UGT1A10: variants seen among roughly 807,000 people sequenced by gnomAD.
UGT1A10 encodes UDP glucuronosyltransferase family 1 member A10.
A neutral mutation model predicts 45.8 loss-of-function variants in UGT1A10; 49 were observed. The observed-to-expected ratio is 1.07, with a 90% confidence interval of 0.85 to 1.36. The LOEUF (loss-of-function observed/expected upper bound fraction) is 1.36. Among genes scored for constraint, UGT1A10 ranks in the 40% most tolerant of loss-of-function variants. The pLI is 0.00. For missense variants in UGT1A10, 745 were observed against 668.6 expected (o/e 1.11, Z -1.26); for synonymous variants, 284 against 249.7 (o/e 1.14, Z -1.29).
At chr2:233,707,056 A>AC (rs1214860717) in intron 1 of UGT1A10, among the ~76,000 whole-genome samples, 2 of 152,112 alleles carry the variant, frequency 1.3e-5, no homozygotes, top group Non-Finnish European at 2.9e-5. Flanking sequence ...GCTCAGGTGG[A>AC]CAGAGTCCCA....
chr2:233,686,409 G>A (rs2074787564), intron 1 of UGT1A10, among the ~76,000 whole-genome samples: 1 of 152,094 alleles, frequency 6.6e-6, no homozygotes, highest in South Asian at 2.1e-4. Context: ...TTATTAAGGT[G>A]TGCAGATAAA....
chr2:233,761,189 T>C (rs763009411), intron 1 of UGT1A10: 1 of 1,614,202 alleles, frequency 6.2e-7, no homozygotes, highest in South Asian at 1.1e-5. Context: ...GCGTATATTC[T>C]TTCAGATGTA....
intron 1 of UGT1A10, among the ~76,000 whole-genome samples, chr2:233,758,056 A>C (rs1696785048): frequency 6.6e-6 from 1 of 152,062 alleles, no homozygotes; most frequent in Non-Finnish European, 1.5e-5. Context: ...GACCATTTCT[A>C]ACTTGACTTT....
Position 233,739,198 on chromosome 2 carries a change from G to A in UGT1A10, c.856-27836G>A, listed in dbSNP as rs555664061. On this transcript the variant is annotated intron_variant, in intron 1 of 4. Coordinates refer to ENST00000344644, the MANE Select transcript of UGT1A10 (RefSeq NM_019075.4). ...GAAATGCTTGGATGTCCAGGCAGAC[G>A]TTTGCTGCATGGATAGAGTCCTTAT... 7.2e-5 allele frequency: 11 copies of A among 152,362 alleles called. No individual in the cohort carries two copies. The East Asian group carries it at 9.6e-4, about 13-fold the overall frequency. 9.4% of individuals were successfully genotyped at this position (152,362 alleles called of 1,614,324 possible).
In UGT1A10 at chr2:233,637,065, A is replaced by C; in HGVS notation, c.543A>C (p.Ala181=). The change falls in exon 1 of 5, where the codon GCA becomes GCC. Residue 181 remains alanine, a synonymous_variant. Transcript: ENST00000344644. ...TTTGCCACCATCTTGAAGAAGGTGCACAGTGCCCTGCTCCTCTTTCCTATG... is the reference window on the plus strand; with the variant it reads ...TTTGCCACCATCTTGAAGAAGGTGCCCAGTGCCCTGCTCCTCTTTCCTATG... ...GIFCHHLEEG[A]QCPAPLSYVP... 6.2e-7 allele frequency: 1 copy of C among 1,613,970 alleles called. No individual in the cohort carries two copies. The highest frequency in any genetic ancestry group is 1.7e-4 in the Middle Eastern group (1 of 6,056).
At chr2:233,724,824 G>A (rs1386605275) in intron 1 of UGT1A10, among the ~76,000 whole-genome samples, 24 of 135,740 alleles carry the variant, frequency 1.8e-4, no homozygotes, top group African/African-American at 7.1e-4. Context: ...TGCAATCTCG[G>A]CACTTTGGGA....
chr2:233,769,618 G>A lies in UGT1A10; in HGVS notation c.1295+1179G>A. ...GGAACACGGGGACACACCAGCTTGA[G>A]CAAGGGACAACAGGGGAGGACTGAT... On this transcript the variant is annotated intron_variant, in intron 4 of 4. Coordinates refer to ENST00000344644, the MANE Select transcript of UGT1A10 (RefSeq NM_019075.4). This position sits in a 1 kb window ranked among gnomAD's most constrained non-coding sequence, Gnocchi z 4.4. The A allele has an allele frequency of 1.9e-6, 3 of 1,612,672 alleles. No individual in the cohort carries two copies. Among genetic ancestry groups the A allele is most frequent in the Non-Finnish European group, 2.5e-6 (3 of 1,179,802 alleles).
intron 1 of UGT1A10, among the ~76,000 whole-genome samples, chr2:233,643,165 G>T (rs185632739): frequency 1.3e-5 from 2 of 152,304 alleles, no homozygotes; most frequent in South Asian, 2.1e-4. Context: ...GCCCTGGGTG[G>T]GTCCAGAAGT....
chr2:233,653,554 C>T lies in UGT1A10; in HGVS notation c.855+16177C>T, dbSNP rs138070848. On this transcript the variant is annotated intron_variant, in intron 1 of 4. Coordinates refer to ENST00000344644, the MANE Select transcript of UGT1A10 (RefSeq NM_019075.4). ...GTCAGAAACCTCTATGGGTCACCACCGCATACACAGTTGCTTAAAGTGCCC... is the reference window on the plus strand; with the variant it reads ...GTCAGAAACCTCTATGGGTCACCACTGCATACACAGTTGCTTAAAGTGCCC... Among the ~76,000 whole-genome samples, 926 of 152,236 alleles carry T rather than the reference C, an allele frequency of 6.1e-3. 2 individuals are homozygous for T. The highest frequency in any genetic ancestry group is 9.8e-3 in the Non-Finnish European group (667 of 68,006).
intron 1 of UGT1A10, 140 bp downstream of exon 1, chr2:233,637,517 A>T: frequency 6.9e-7 from 1 of 1,443,100 alleles, no homozygotes; most frequent in Non-Finnish European, 9.1e-7. Context: ...TTTTGTGCGA[A>T]TTCATGTACT....
At chr2:233,642,253 A>G (rs2073472383) in intron 1 of UGT1A10, among the ~76,000 whole-genome samples, 1 of 152,138 alleles carries the variant, frequency 6.6e-6, no homozygotes, top group Admixed American at 6.5e-5. Flanking sequence ...CCTGTCTTCA[A>G]GCTCAGTAAT....
chr2:233,747,635 GA>G (rs1268887921), intron 1 of UGT1A10: 1 of 1,581,650 alleles, frequency 6.3e-7, no homozygotes, highest in African/African-American at 1.4e-5. Flanking sequence ...TCAGGCACCT[GA>G]ATGCTACTTC....
At chr2:233,654,175 T>A (rs2073802506) in intron 1 of UGT1A10, among the ~76,000 whole-genome samples, 2 of 151,992 alleles carry the variant, frequency 1.3e-5, no homozygotes, top group Admixed American at 1.3e-4. Context: ...TGAAAAAACC[T>A]AAAAAGAAGA....
chr2:233,712,151 A>G (rs1476904352), intron 1 of UGT1A10, among the ~76,000 whole-genome samples: 5 of 152,214 alleles, frequency 3.3e-5, no homozygotes, highest in Non-Finnish European at 2.9e-5. Context: ...TCAGAAGAGG[A>G]ATTCAGACTG....
chr2:233,693,747 A>G (rs2075178821), intron 1 of UGT1A10: 1 of 1,614,228 alleles, frequency 6.2e-7, no homozygotes, highest in South Asian at 1.1e-5. Flanking sequence ...ACCTTATATC[A>G]GAAGGTCTCT....
chr2:233,744,437 G>A (rs1405958246), intron 1 of UGT1A10, among the ~76,000 whole-genome samples: 1 of 151,860 alleles, frequency 6.6e-6, no homozygotes, highest in Non-Finnish European at 1.5e-5. Context: ...TCTATCATAC[G>A]TACTGCATTA....
In UGT1A10 at chr2:233,636,980, G is replaced by A; in HGVS notation, c.458G>A (p.Cys153Tyr). ...GTGTTTCTGGATCCTTTTGATACCT[G>A]TGGCTTAATTGTTGCTAAATATTTC... ...DAVFLDPFDT[C>Y]GLIVAKYFSL... Residue 153 changes from cysteine (C) to tyrosine (Y), a missense_variant, in exon 1 of 5, where the codon TGT (cysteine) becomes TAT (tyrosine). Transcript: ENST00000344644. The A allele has an allele frequency of 9.3e-6, 15 of 1,614,080 alleles. No individual in the cohort carries two copies. Among genetic ancestry groups the A allele is most frequent in the Non-Finnish European group, 1.3e-5 (15 of 1,180,030 alleles).
intron 1 of UGT1A10, chr2:233,743,836 C>T (rs62191918): frequency 0.07 from 95,512 of 1,367,130 alleles, 4,650 homozygotes; most frequent in East Asian, 0.2. Context: ...GCCACTTGAG[C>T]GCCAGCTTGC....
intron 1 of UGT1A10, among the ~76,000 whole-genome samples, chr2:233,744,623 G>T (rs1465647088): frequency 6.6e-6 from 1 of 151,866 alleles, no homozygotes; most frequent in Admixed American, 6.5e-5. Flanking sequence ...CTATAGAGAG[G>T]TGGATTCTCA....
Sources: allele counts gnomAD v4.1 joint callset (sites outside exome capture counted in the v4.1 genomes callset), GRCh38; gene constraint gnomAD v4.1.1; non-coding constraint Gnocchi (gnomAD v3.1); transcripts MANE v1.5; gene names NCBI Gene and HGNC (gene_info 2026-07-23, HGNC 2026-07-21).